The following HS3ST5 variants were observed in gnomAD, a reference collection of about 807,000 sequenced individuals.
HS3ST5 encodes heparan sulfate glucosamine 3-O-sulfotransferase 5.
Under a neutral mutation model 25.4 loss-of-function variants are expected in HS3ST5, and 10 were observed. That is an observed-to-expected ratio of 0.39 (90% CI 0.24 to 0.67). The LOEUF (loss-of-function observed/expected upper bound fraction) is 0.67, where lower values mean the gene tolerates loss of function less well. Among genes scored for constraint, HS3ST5 ranks in the 30% least tolerant of loss-of-function variants. The probability of loss-of-function intolerance (pLI) is 0.44; values close to 1 mark genes in which losing one functional copy is unlikely to be tolerated. For missense variants in HS3ST5, 324 were observed against 420.7 expected (o/e 0.77, Z 2.01); for synonymous variants, 170 against 162.4 (o/e 1.05, Z -0.36).
At chr6:114,290,584 T>C (rs1264559262) in intron 1 of HS3ST5, among the ~76,000 whole-genome samples, 3 of 152,142 alleles carry the variant, frequency 2.0e-5, no homozygotes, top group Non-Finnish European at 2.9e-5. Context: ...CTCCTGTTCC[T>C]CACCAGCCTT....
At chr6:114,333,706 C>T (rs1776496728) in intron 1 of HS3ST5, among the ~76,000 whole-genome samples, 1 of 151,888 alleles carries the variant, frequency 6.6e-6, no homozygotes, top group Non-Finnish European at 1.5e-5. Context: ...AGTGCAGTGA[C>T]ACGATCTCGG....
At chr6:114,268,649 C>T (rs1740922077) in intron 1 of HS3ST5, among the ~76,000 whole-genome samples, 2 of 152,146 alleles carry the variant, frequency 1.3e-5, no homozygotes, top group South Asian at 4.1e-4. Context: ...TCTTGCAGCT[C>T]GTCATTTCTT....
At chr6:114,316,811 T>G (rs1167008364) in intron 1 of HS3ST5, among the ~76,000 whole-genome samples, 1 of 152,230 alleles carries the variant, frequency 6.6e-6, no homozygotes, top group African/African-American at 2.4e-5. Context: ...TTTTTCTATA[T>G]TTTAGATAAG....
intron 1 of HS3ST5, among the ~76,000 whole-genome samples, chr6:114,283,833 C>A (rs1277416379): frequency 1.3e-5 from 2 of 151,974 alleles, no homozygotes; most frequent in African/African-American, 4.8e-5. Flanking sequence ...AAAAATGATA[C>A]ATTTGCAAAA....
intron 1 of HS3ST5, among the ~76,000 whole-genome samples, chr6:114,279,440 T>C (rs938286661): frequency 1.2e-4 from 18 of 152,070 alleles, no homozygotes; most frequent in Non-Finnish European, 2.2e-4. Context: ...GTGGAATCTG[T>C]GCTTTATGTG....
chr6:114,087,527 G>A (rs879770805), intron 3 of HS3ST5, among the ~76,000 whole-genome samples: 2 of 152,136 alleles, frequency 1.3e-5, no homozygotes, highest in African/African-American at 2.4e-5. Context: ...CCAAAGCCTG[G>A]TGCAGTTCAT....
intron 1 of HS3ST5, among the ~76,000 whole-genome samples, chr6:114,332,860 G>A (rs1441233986): frequency 1.3e-5 from 2 of 152,010 alleles, no homozygotes; most frequent in Admixed American, 1.3e-4. Context: ...ATATAGAAAG[G>A]AATGAAGTAT....
At chr6:114,160,224 T>C (rs568023134) in intron 3 of HS3ST5, among the ~76,000 whole-genome samples, 2 of 150,670 alleles carry the variant, frequency 1.3e-5, no homozygotes, top group South Asian at 4.2e-4. Flanking sequence ...GAATACTTCT[T>C]ATCAATCTTT....
intron 1 of HS3ST5, among the ~76,000 whole-genome samples, chr6:114,286,304 G>A (rs1443038789): frequency 2.0e-5 from 3 of 151,812 alleles, no homozygotes; most frequent in Admixed American, 6.6e-5. Context: ...GATTATCAGC[G>A]GCTGAGGGGA....
At chr6:114,219,872 ACAAT>A (rs1212528426) in intron 2 of HS3ST5, among the ~76,000 whole-genome samples, 1 of 152,150 alleles carries the variant, frequency 6.6e-6, no homozygotes, top group African/African-American at 2.4e-5. Flanking sequence ...AAAATGTACA[ACAAT>A]CAAAGTAAAA....
At chr6:114,087,115 G>GACC in intron 3 of HS3ST5, among the ~76,000 whole-genome samples, 1 of 152,276 alleles carries the variant, frequency 6.6e-6, no homozygotes, top group African/African-American at 2.4e-5. Flanking sequence ...CTGCGGCAAA[G>GACC]TGGAGCCACT....
intron 1 of HS3ST5, among the ~76,000 whole-genome samples, chr6:114,314,582 A>T (rs1775673038): frequency 6.6e-6 from 1 of 152,208 alleles, no homozygotes; most frequent in Admixed American, 6.5e-5. Flanking sequence ...AAGTTCATAG[A>T]AAGAGCTGGC....
In HS3ST5 at chr6:114,057,494, G is replaced by A. The variant is rs144164220; in HGVS notation, c.804C>T (p.Leu268=). ...GAGGCAGATTTAGGAACTTCTCCAC[G>A]AGCTGAAGTTCTGGCAGAGGTTCCG... ...LITEPLPELQ[L]VEKFLNLPPR... Residue 268 remains leucine (L), a synonymous_variant, in exon 5 of 5, where the codon CTC becomes CTT. Transcript: ENST00000312719. 292 of 1,614,120 alleles carry A rather than the reference G, an allele frequency of 1.8e-4. No individual in the cohort carries two copies. Among genetic ancestry groups the A allele is most frequent in the Non-Finnish European group, 1.9e-4 (228 of 1,180,008 alleles).
intron 2 of HS3ST5, 88 bp from the exon 3 acceptor site, chr6:114,168,550 T>A (rs1046131163): frequency 6.6e-6 from 1 of 152,216 alleles, no homozygotes; most frequent in African/African-American, 2.4e-5. Flanking sequence ...TGTGGTTAGA[T>A]TTGCTGTTGG....
intron 1 of HS3ST5, among the ~76,000 whole-genome samples, chr6:114,267,790 A>G (rs575746019): frequency 1.3e-5 from 2 of 152,264 alleles, no homozygotes; most frequent in East Asian, 3.9e-4. Context: ...TTTGTACAGT[A>G]TCTACATCAG....
chr6:114,073,846 C>G (rs1035479645), intron 3 of HS3ST5, among the ~76,000 whole-genome samples: 3 of 152,314 alleles, frequency 2.0e-5, no homozygotes, highest in Admixed American at 2.0e-4. Flanking sequence ...GCCATGCACA[C>G]ATATGTTTAT....
rs1773880107 is a variant in HS3ST5 at position 114,072,512 on chromosome 6, T to G, written c.-32-9635A>C. Among the ~76,000 whole-genome samples, 4 of 152,164 alleles carry G rather than the reference T, an allele frequency of 2.6e-5. No homozygotes were observed. The South Asian group carries it at 6.2e-4, about 24-fold the overall frequency. ...AAAACTCCTTATTTCCTAATTATCT[T>G]ACTCCATTTTACTATTACCTATGGT... On this transcript the variant is annotated intron_variant, in intron 3 of 4. Coordinates refer to ENST00000312719, the MANE Select transcript of HS3ST5 (RefSeq NM_153612.4).
chr6:114,288,758 C>T (rs1774447032), intron 1 of HS3ST5, among the ~76,000 whole-genome samples: 1 of 152,042 alleles, frequency 6.6e-6, no homozygotes, highest in Non-Finnish European at 1.5e-5. Flanking sequence ...TGTTGCCATT[C>T]CCAGAAATGA....
intron 3 of HS3ST5, among the ~76,000 whole-genome samples, chr6:114,162,351 A>G (rs1315526544): frequency 6.6e-6 from 1 of 152,136 alleles, no homozygotes; most frequent in Non-Finnish European, 1.5e-5. Context: ...ACATCTAGTC[A>G]TCACCTTCTG....
Sources: gnomAD v4.1 joint callset for allele counts (sites outside exome capture counted in the v4.1 genomes callset) on GRCh38, gnomAD v4.1.1 for gene constraint, MANE v1.5 for transcripts, NCBI Gene and HGNC (gene_info 2026-07-23, HGNC 2026-07-21) for gene names.